NTRK2: variants seen among roughly 807,000 people sequenced by gnomAD.
NTRK2 encodes the protein BDNF/NT-3 growth factors receptor.
In NTRK2, 13 loss-of-function variants were observed where a neutral mutation model predicts 94.5. That is an observed-to-expected ratio of 0.14 (90% CI 0.09 to 0.22). The LOEUF (loss-of-function observed/expected upper bound fraction) is 0.22, where lower values mean the gene tolerates loss of function less well. NTRK2 is among the 10% of genes least tolerant of loss of function. The pLI is 1.00. For synonymous variants in NTRK2, 372 were observed against 407.4 expected (o/e 0.91, Z 1.05); for missense variants, 639 against 1,071.2 (o/e 0.60, Z 5.63).
At chr9:84,904,758 G>GCTCACATAAGTCTGTTTTACT in intron 14 of NTRK2, among the ~76,000 whole-genome samples, 1 of 152,240 alleles carries the variant, frequency 6.6e-6, no homozygotes, top group Non-Finnish European at 1.5e-5. Flanking sequence ...TATGAAGATA[G>GCTCACATAAGTCTGTTTTACT]CTCACATAAG....
chr9:84,860,939 C>A lies in NTRK2; in HGVS notation c.1397-101C>A. On this transcript the variant is annotated intron_variant, in intron 12 of 18. Coordinates refer to ENST00000277120, the MANE Select transcript of NTRK2 (RefSeq NM_006180.6). Reference sequence around the variant, plus strand: ...TATTTATTTATTTATTTATTTTTGTCGGGGGGAGTTTGTTGCATTATTTGA... The same window carrying A: ...TATTTATTTATTTATTTATTTTTGTAGGGGGGAGTTTGTTGCATTATTTGA... The A allele has an allele frequency of 7.4e-6, 4 of 537,848 alleles. No individual in the cohort carries two copies. Among genetic ancestry groups the A allele is most frequent in the African/African-American group, 2.0e-5 (1 of 49,042 alleles). The allele number at this position is 537,848 out of a possible 1,614,324, so 33.3% of individuals were successfully genotyped here.
At chr9:84,914,883 ATGT>A (rs2077348634) in intron 14 of NTRK2, among the ~76,000 whole-genome samples, 1 of 152,122 alleles carries the variant, frequency 6.6e-6, no homozygotes, top group Non-Finnish European at 1.5e-5. Flanking sequence ...CAGTCTTCTT[ATGT>A]TTGCTTAACA....
intron 14 of NTRK2, among the ~76,000 whole-genome samples, chr9:84,922,969 C>T (rs1476269804): frequency 4.6e-5 from 7 of 152,216 alleles, no homozygotes; most frequent in Non-Finnish European, 1.0e-4. Flanking sequence ...CAGGACTGTG[C>T]TTTGCATATT....
chr9:84,763,161 C>T (rs1195697144), intron 12 of NTRK2, among the ~76,000 whole-genome samples: 1 of 152,156 alleles, frequency 6.6e-6, no homozygotes, highest in Non-Finnish European at 1.5e-5. Context: ...CTTTATTACT[C>T]TTGTGCCATT....
At chr9:84,774,204 A>G (rs1467748987) in intron 12 of NTRK2, among the ~76,000 whole-genome samples, 1 of 152,194 alleles carries the variant, frequency 6.6e-6, no homozygotes, top group African/African-American at 2.4e-5. Context: ...TCAGGCTTCA[A>G]TGGAGGGGAC....
chr9:84,727,679 A>G lies in NTRK2; in HGVS notation c.879A>G (p.Glu293=), dbSNP rs1195457882. The G allele has an allele frequency of 6.2e-7, 1 of 1,612,872 alleles. No homozygotes were observed. Among genetic ancestry groups the G allele is most frequent in the Non-Finnish European group, 8.5e-7 (1 of 1,179,958 alleles). The part of the protein sequence containing the change: ...VHFAPTITFL[E]SPTSDHHWCI... The stretch of plus-strand genomic sequence containing the variant: ...TTGCACCAACTATCACATTTCTCGA[A>G]TCTCCAACCTCAGACCACCACTGGT... The change falls in exon 9 of 19, where the codon GAA becomes GAG. Residue 293 remains glutamate (E), a synonymous_variant. Coordinates refer to ENST00000277120, the MANE Select transcript of NTRK2 (RefSeq NM_006180.6).
intron 17 of NTRK2, among the ~76,000 whole-genome samples, chr9:84,991,090 G>A (rs1290677736): frequency 6.6e-6 from 1 of 152,140 alleles, no homozygotes; most frequent in East Asian, 1.9e-4. Context: ...TCCCTTCCCT[G>A]AAGCGATTTA....
chr9:85,012,075 G>A (rs1378587552), intron 17 of NTRK2, among the ~76,000 whole-genome samples: 3 of 151,436 alleles, frequency 2.0e-5, no homozygotes, highest in African/African-American at 7.3e-5. Context: ...TGCAACCTCC[G>A]CCTCCCAGGT....
At chr9:84,802,482 C>A (rs959165697) in intron 12 of NTRK2, among the ~76,000 whole-genome samples, 3 of 152,126 alleles carry the variant, frequency 2.0e-5, no homozygotes, top group African/African-American at 4.8e-5. Context: ...TGGCACACGC[C>A]CCGCTGCTGT....
chr9:84,822,838 C>T (rs537354406), intron 12 of NTRK2, among the ~76,000 whole-genome samples: 1 of 152,286 alleles, frequency 6.6e-6, no homozygotes, highest in African/African-American at 2.4e-5. Flanking sequence ...CATTTGGTAC[C>T]CTTGGTCAAC....
At chr9:85,010,263 C>A (rs575950748) in intron 17 of NTRK2, among the ~76,000 whole-genome samples, 1 of 152,306 alleles carries the variant, frequency 6.6e-6, no homozygotes, top group Non-Finnish European at 1.5e-5. Flanking sequence ...TGGTCCTAAA[C>A]CAGCATAATG....
intron 12 of NTRK2, among the ~76,000 whole-genome samples, chr9:84,820,098 A>T (rs929970620): frequency 6.6e-6 from 1 of 152,134 alleles, no homozygotes; most frequent in Non-Finnish European, 1.5e-5. Flanking sequence ...GCACATTTGA[A>T]AATATGAGTA....
rs1832668839 is a variant in NTRK2 at position 85,020,264 on chromosome 9, G to A, written c.2231G>A (p.Arg744Lys). 1 of 1,614,028 alleles carries A rather than the reference G, an allele frequency of 6.2e-7. No individual in the cohort carries two copies. The highest frequency in any genetic ancestry group is 8.5e-7 in the Non-Finnish European group (1 of 1,180,024). The change falls in exon 18 of 19, where the codon AGG becomes AAG. Residue 744 changes from arginine (R) to lysine (K), a missense_variant. Around this residue, in one of 5 missense-constraint regions of NTRK2, gnomAD observed 77 missense variants for 203.6 expected, o/e 0.38. Coordinates refer to ENST00000277120, the MANE Select transcript of NTRK2 (RefSeq NM_006180.6). ...ATGCCTCCAGAGAGCATCATGTACA[G>A]GAAATTCACGACGGAAAGCGACGTC... is the stretch of plus-strand genomic sequence containing the variant. The part of the protein sequence containing the change: ...RWMPPESIMY[R>K]KFTTESDVWS...
intron 17 of NTRK2, among the ~76,000 whole-genome samples, chr9:84,994,138 A>G (rs1158044512): frequency 6.6e-6 from 1 of 152,202 alleles, no homozygotes; most frequent in African/African-American, 2.4e-5. Flanking sequence ...ATGTAGGTTC[A>G]GATTAGTCAG....
At chr9:84,724,156 A>G in intron 7 of NTRK2, 68 bp from the exon 8 acceptor site, 3 of 1,577,158 alleles carry the variant, frequency 1.9e-6, no homozygotes, top group Non-Finnish European at 2.6e-6. Flanking sequence ...AGGGGAAGAA[A>G]CCCCAAATCT....
chr9:84,772,500 G>A (rs553169613), intron 12 of NTRK2, among the ~76,000 whole-genome samples: 34 of 152,172 alleles, frequency 2.2e-4, no homozygotes, highest in African/African-American at 5.8e-4. Context: ...TGCCCACCTC[G>A]GCCTCCCAAG....
At chr9:84,979,268 G>T (rs747316325) in intron 17 of NTRK2, among the ~76,000 whole-genome samples, 26 of 152,242 alleles carry the variant, frequency 1.7e-4, no homozygotes, top group Non-Finnish European at 3.7e-4. Context: ...GAACATTCAT[G>T]ATTTGTAGGA....
At chr9:84,926,106 T>TTTCCTTCCTCCCTTCC (rs2077760323) in intron 14 of NTRK2, among the ~76,000 whole-genome samples, 1 of 108,782 alleles carries the variant, frequency 9.2e-6, no homozygotes, top group Admixed American at 9.2e-5. Flanking sequence ...CCTTCCTTCC[T>TTTCCTTCCTCCCTTCC]TTCCTTCCTT....
intron 14 of NTRK2, among the ~76,000 whole-genome samples, chr9:84,927,849 A>G (rs1412681887): frequency 7.9e-5 from 12 of 152,244 alleles, no homozygotes; most frequent in Admixed American, 6.5e-4. Context: ...TTGCCTCCCT[A>G]TTTCCTGATT....
Sources: allele counts gnomAD v4.1 joint callset (sites outside exome capture counted in the v4.1 genomes callset), GRCh38; gene constraint gnomAD v4.1.1; regional missense constraint gnomAD v4.1.1; transcripts MANE v1.5; gene names NCBI Gene and HGNC (gene_info 2026-07-23, HGNC 2026-07-21).